RNF38: variants seen among roughly 807,000 people sequenced by gnomAD.
The protein encoded by RNF38 is ring finger protein 38.
RNF38 carries 15 observed loss-of-function variants against 67.2 expected under a neutral mutation model. That is an observed-to-expected ratio of 0.22 (90% CI 0.15 to 0.34). The LOEUF is 0.34. RNF38 is among the 10% of genes least tolerant of loss of function. RNF38 has a pLI of 1.00. For missense variants in RNF38, 524 were observed against 639.9 expected, an observed-to-expected ratio of 0.82 and a Z score of 1.95; for synonymous variants, 220 against 218.8, an observed-to-expected ratio of 1.01 and a Z score of -0.05.
intron 1 of RNF38, among the ~76,000 whole-genome samples, chr9:36,476,988 C>T (rs1389244843): frequency 6.6e-6 from 1 of 152,090 alleles, no homozygotes; most frequent in African/African-American, 2.4e-5. Flanking sequence ...AAGGGCCACC[C>T]TTATCCTGAG....
intron 1 of RNF38, among the ~76,000 whole-genome samples, chr9:36,430,972 T>C (rs1838917688): frequency 6.6e-6 from 1 of 152,122 alleles, no homozygotes; most frequent in Non-Finnish European, 1.5e-5. Flanking sequence ...CCTATAATTC[T>C]AACACTAACT....
chr9:36,426,717 C>T (rs981362802), intron 1 of RNF38, among the ~76,000 whole-genome samples: 15 of 152,180 alleles, frequency 9.9e-5, no homozygotes, highest in Non-Finnish European at 2.1e-4. Flanking sequence ...TATAATTCCA[C>T]CAGCAATATA....
At chr9:36,467,232 AAT>A (rs201500514) in intron 1 of RNF38, among the ~76,000 whole-genome samples, 13 of 91,138 alleles carry the variant, frequency 1.4e-4, no homozygotes, top group South Asian at 4.3e-4. Context: ...ATATATATAT[AAT>A]ATATATATAT....
Position 36,338,886 on chromosome 9 carries a change from T to C in RNF38, c.*866A>G, listed in dbSNP as rs1424083001. On this transcript the variant is annotated 3_prime_UTR_variant, in exon 12 of 12. Coordinates refer to ENST00000259605, the MANE Select transcript of RNF38 (RefSeq NM_022781.5). ...ACTGATGATATATGATATTGCACCT[T>C]CTTTTTGGAAACAGCAAGTTGGAGA... is the stretch of plus-strand genomic sequence containing the variant. The C allele has an allele frequency of 4.6e-5, 7 of 152,640 alleles. No homozygotes were observed. Among genetic ancestry groups the C allele is most frequent in the African/African-American group, 9.7e-5 (4 of 41,446 alleles). 9.5% of individuals were successfully genotyped at this position (152,640 alleles called of 1,614,324 possible). A position where few individuals can be genotyped will look rare whatever the true frequency, so the allele number is the denominator to read the frequency against.
chr9:36,411,132 A>C (rs866002712), intron 2 of RNF38, among the ~76,000 whole-genome samples: 4 of 151,948 alleles, frequency 2.6e-5, no homozygotes, highest in Middle Eastern at 6.8e-3. Flanking sequence ...AATATCCAGA[A>C]TATATAACTC....
At chr9:36,403,910 C>T (rs1460051717), upstream of RNF38, among the ~76,000 whole-genome samples, 4 of 152,174 alleles carry the variant, frequency 2.6e-5, no homozygotes, top group Admixed American at 2.6e-4. Flanking sequence ...TTGGATTATT[C>T]CTAACAGAAC....
intron 2 of RNF38, among the ~76,000 whole-genome samples, chr9:36,387,524 C>G (rs766041844): frequency 6.6e-6 from 1 of 152,120 alleles, no homozygotes; most frequent in South Asian, 2.1e-4. Context: ...GGGTTGACAG[C>G]AAAGAAACAT....
chr9:36,359,301 A>G (rs1224512919), intron 4 of RNF38, among the ~76,000 whole-genome samples: 1 of 151,788 alleles, frequency 6.6e-6, no homozygotes, highest in Non-Finnish European at 1.5e-5. Flanking sequence ...AAATGTAGCC[A>G]GAGTGTAGCT....
intron 1 of RNF38, among the ~76,000 whole-genome samples, chr9:36,476,259 C>T (rs1840118332): frequency 6.6e-6 from 1 of 151,940 alleles, no homozygotes; most frequent in Admixed American, 6.6e-5. Flanking sequence ...ACTAGGATTA[C>T]AGGCACCCGC....
In RNF38 at chr9:36,441,148, T is replaced by C. The variant is rs539632344; in HGVS notation, n.242-16465A>G. 4.0e-4 allele frequency among the ~76,000 whole-genome samples: 61 copies of C among 152,286 alleles called. No homozygotes were observed. In the South Asian group the frequency reaches 0.012, roughly 29 times the overall value. ...AGCTCAATGGAAAAGAACATACCTT[T>C]TTCTATTTTGTAATGTACTAAGGTT... On this transcript the variant is annotated intron_variant and non_coding_transcript_variant, in intron 1 of 3. Coordinates refer to the RNF38 transcript ENST00000488058.
intron 4 of RNF38, among the ~76,000 whole-genome samples, chr9:36,368,012 C>T (rs1045686464): frequency 2.6e-5 from 4 of 152,026 alleles, no homozygotes; most frequent in East Asian, 1.9e-4. Context: ...CCATCACGTG[C>T]GGCCAATTTT....
chr9:36,393,383 T>C (rs899676761), intron 1 of RNF38, among the ~76,000 whole-genome samples: 1 of 152,082 alleles, frequency 6.6e-6, no homozygotes, highest in Non-Finnish European at 1.5e-5. Context: ...AGAAAAGCTA[T>C]ATTCAAAATA....
At chr9:36,385,607 G>GACCTC (rs1263565069) in intron 2 of RNF38, among the ~76,000 whole-genome samples, 11 of 152,130 alleles carry the variant, frequency 7.2e-5, no homozygotes, top group African/African-American at 2.7e-4. Context: ...TTGAACTCCT[G>GACCTC]ACCTCAGGTG....
intron 1 of RNF38, among the ~76,000 whole-genome samples, chr9:36,470,189 CAGCTTTTAA>C (rs1398465593): frequency 6.6e-6 from 1 of 152,036 alleles, no homozygotes; most frequent in Non-Finnish European, 1.5e-5. Context: ...TGGGGGTGTC[CAGCTTTTAA>C]AGTCTAAGAA....
intron 1 of RNF38, among the ~76,000 whole-genome samples, chr9:36,462,607 T>C (rs1839758936): frequency 6.6e-6 from 1 of 152,154 alleles, no homozygotes; most frequent in African/African-American, 2.4e-5. Flanking sequence ...AACAGCTTGA[T>C]GCCTAACTTC....
At position 36,470,299 on chromosome 9, in the gene RNF38, T is replaced by C. The variant is rs148158262; in HGVS notation, n.241+17009A>G. Among the ~76,000 whole-genome samples the C allele has an allele frequency of 9.4e-3, 1,439 of 152,280 alleles. 12 individuals are homozygous for C. Among genetic ancestry groups the C allele is most frequent in the Middle Eastern group, 0.027 (8 of 294 alleles). ...GCATTTTAACAAGATCCCCCTGGTC[T>C]ACCTCAGGGCCACAAACCATAAGCC... On this transcript the variant is annotated intron_variant and non_coding_transcript_variant, in intron 1 of 3. Coordinates refer to the RNF38 transcript ENST00000488058.
chr9:36,422,247 A>C (rs1410565337), intron 2 of RNF38, among the ~76,000 whole-genome samples: 2 of 151,876 alleles, frequency 1.3e-5, no homozygotes, highest in African/African-American at 4.8e-5. Flanking sequence ...ATAAACAAAC[A>C]AACAAACAAA....
chr9:36,368,298 CAACACGT>C (rs139235673), intron 4 of RNF38, among the ~76,000 whole-genome samples: 2,509 of 152,260 alleles, frequency 0.016, 32 homozygotes, highest in Middle Eastern at 0.031. Context: ...TATACAGACT[CAACACGT>C]AACACTACTA....
intron 1 of RNF38, among the ~76,000 whole-genome samples, chr9:36,470,117 T>C (rs1418392582): frequency 6.6e-6 from 1 of 152,170 alleles, no homozygotes; most frequent in Non-Finnish European, 1.5e-5. Context: ...TAGCATCACC[T>C]AGGAACCTGT....
Sources: allele counts gnomAD v4.1 joint callset (sites outside exome capture counted in the v4.1 genomes callset), GRCh38; gene constraint gnomAD v4.1.1; transcripts MANE v1.5; gene names NCBI Gene and HGNC (gene_info 2026-07-23, HGNC 2026-07-21).